ASPRV1: variants seen among roughly 807,000 people sequenced by gnomAD.
ASPRV1 encodes the protein aspartic peptidase retroviral like 1, also known as retroviral-like aspartic protease 1.
Under a neutral mutation model 11.0 loss-of-function variants are expected in ASPRV1, and 7 were observed. The observed-to-expected ratio is 0.64, with a 90% confidence interval of 0.36 to 1.20. The LOEUF (loss-of-function observed/expected upper bound fraction) is 1.20, where lower values mean the gene tolerates loss of function less well. Among genes scored for constraint, ASPRV1 ranks in the 50% most tolerant of loss-of-function variants. The pLI is 0.02. For synonymous variants in ASPRV1, 136 were observed against 138.4 expected (o/e 0.98, Z 0.12); for missense variants, 299 against 320.0 (o/e 0.93, Z 0.50).
At chr2:70,001,621 A>G in the ASPRV1 span, among the ~76,000 whole-genome samples, 1 of 152,138 alleles carries the variant, frequency 6.6e-6, no homozygotes, top group Admixed American at 6.6e-5. Flanking sequence ...TTAGCCAGGC[A>G]TGGTGGCACA....
At chr2:70,041,965 G>A in the ASPRV1 span, among the ~76,000 whole-genome samples, 1 of 152,050 alleles carries the variant, frequency 6.6e-6, no homozygotes, top group Non-Finnish European at 1.5e-5. Context: ...TTCAGATGAA[G>A]GTAATAGTAA....
At chr2:70,023,918 C>CTTTT in the ASPRV1 span, among the ~76,000 whole-genome samples, 1 of 151,040 alleles carries the variant, frequency 6.6e-6, no homozygotes, top group African/African-American at 2.4e-5. Context: ...CAAAAAAGGT[C>CTTTT]CTCAAAGAAA....
chr2:69,951,353 G>A, the ASPRV1 span, among the ~76,000 whole-genome samples: 1 of 150,562 alleles, frequency 6.6e-6, no homozygotes, highest in Admixed American at 6.6e-5. Flanking sequence ...GAACCCGGGA[G>A]GCGGAGCTTG....
chr2:70,017,942 C>T, the ASPRV1 span: 1 of 152,036 alleles, frequency 6.6e-6, no homozygotes, highest in Non-Finnish European at 1.5e-5. Context: ...GAATTTGAGA[C>T]CACACTGGGC....
chr2:70,034,493 C>T, the ASPRV1 span, among the ~76,000 whole-genome samples: 2 of 151,902 alleles, frequency 1.3e-5, no homozygotes, highest in Non-Finnish European at 1.5e-5. Context: ...ATCACTTGAA[C>T]CCGGGAGGTG....
At chr2:69,981,664 A>G in the ASPRV1 span, among the ~76,000 whole-genome samples, 1 of 151,992 alleles carries the variant, frequency 6.6e-6, no homozygotes, top group Non-Finnish European at 1.5e-5. Flanking sequence ...TCGAGCAATT[A>G]TCCTGCCTCA....
chr2:69,955,418 C>T (rs1278017830), downstream of ASPRV1, among the ~76,000 whole-genome samples: 1 of 152,254 alleles, frequency 6.6e-6, no homozygotes, highest in Non-Finnish European at 1.5e-5. Flanking sequence ...CAGCTGCGCT[C>T]GGCTTCCTCA....
At chr2:70,012,649 A>C in the ASPRV1 span, among the ~76,000 whole-genome samples, 1 of 152,090 alleles carries the variant, frequency 6.6e-6, no homozygotes, top group Non-Finnish European at 1.5e-5. Context: ...AGGCAAACTT[A>C]ATGTAAAAAT....
the ASPRV1 span, chr2:69,938,470 T>G: frequency 3.4e-6 from 2 of 585,652 alleles, no homozygotes; most frequent in Non-Finnish European, 6.0e-6. Flanking sequence ...TCCACTAGCT[T>G]CTCTTTTTCT....
the ASPRV1 span, chr2:70,056,475 G>C: frequency 3.3e-5 from 5 of 151,304 alleles, no homozygotes. Context: ...CGTGGTAGCG[G>C]GCGCCTGTAG....
the ASPRV1 span, among the ~76,000 whole-genome samples, chr2:69,936,496 G>A: frequency 2.8e-3 from 419 of 152,272 alleles, 1 homozygote; most frequent in African/African-American, 9.6e-3. Context: ...TAGCATGTTT[G>A]TATAATCATA....
chr2:69,935,728 C>G, the ASPRV1 span, among the ~76,000 whole-genome samples: 1 of 152,214 alleles, frequency 6.6e-6, no homozygotes, highest in Non-Finnish European at 1.5e-5. Flanking sequence ...TGCTCCTTAA[C>G]CATATATCTA....
chr2:70,029,381 C>T, the ASPRV1 span, among the ~76,000 whole-genome samples: 24 of 152,246 alleles, frequency 1.6e-4, no homozygotes, highest in Non-Finnish European at 3.1e-4. Context: ...TAGCTCACAC[C>T]TGTAATCCTA....
At chr2:70,030,760 G>A in the ASPRV1 span, 1 of 152,114 alleles carries the variant, frequency 6.6e-6, no homozygotes, top group Non-Finnish European at 1.5e-5. Flanking sequence ...ATAAGATACA[G>A]AGGGGACAGG....
At chr2:70,076,673 G>C in the ASPRV1 span, among the ~76,000 whole-genome samples, 1 of 152,182 alleles carries the variant, frequency 6.6e-6, no homozygotes, top group Non-Finnish European at 1.5e-5. Context: ...AATATGCTCA[G>C]AACACTTAAC....
At chr2:69,968,577 T>TATTGTTA in the ASPRV1 span, 1 of 152,220 alleles carries the variant, frequency 6.6e-6, no homozygotes, top group Admixed American at 6.5e-5. Flanking sequence ...TTGGCAATAT[T>TATTGTTA]AATTATTGTT....
At position 69,961,559 on chromosome 2, in the gene ASPRV1, C is replaced by A; in HGVS notation, c.-123G>T. Reference sequence around the variant, plus strand: ...CGAAGCAGAGTGGGGATGACTTGCCCGGCCTTGGGCAAGCAGGAGGGAGCA... The same window carrying A: ...CGAAGCAGAGTGGGGATGACTTGCCAGGCCTTGGGCAAGCAGGAGGGAGCA... On this transcript the variant is annotated 5_prime_UTR_variant, in exon 1 of 1. Coordinates refer to ENST00000320256, the MANE Select transcript of ASPRV1 (RefSeq NM_152792.4). 2 of 1,614,096 alleles carry A rather than the reference C, an allele frequency of 1.2e-6. No homozygotes were observed. The highest frequency in any genetic ancestry group is 1.7e-6 in the Non-Finnish European group (2 of 1,180,008).
upstream of ASPRV1, chr2:69,962,921 T>C (rs1234487572): frequency 8.1e-6 from 2 of 245,768 alleles, no homozygotes; most frequent in African/African-American, 4.4e-5. Flanking sequence ...GGCCTAGCTG[T>C]GTGCTGTCAC....
the ASPRV1 span, chr2:70,046,017 CTCTTTCACTCT>C: frequency 6.6e-6 from 1 of 152,210 alleles, no homozygotes. Flanking sequence ...CAAGCACAGC[CTCTTTCACTCT>C]CTCTGCAGAA....
Sources: allele counts gnomAD v4.1 joint callset (sites outside exome capture counted in the v4.1 genomes callset), GRCh38; gene constraint gnomAD v4.1.1; transcripts MANE v1.5; gene names NCBI Gene and HGNC (gene_info 2026-07-23, HGNC 2026-07-21).